Variants in MCTP2 observed in about 807,000 individuals in gnomAD.
MCTP2 encodes multiple C2 and transmembrane domain-containing protein 2.
Under a neutral mutation model 111.6 loss-of-function variants are expected in MCTP2, and 132 were observed. That is an observed-to-expected ratio of 1.18 (90% confidence interval 1.03 to 1.37). The LOEUF (loss-of-function observed/expected upper bound fraction) is 1.37. MCTP2 is among the 40% of genes most tolerant of loss of function. The probability of loss-of-function intolerance (pLI) is 0.00; values close to 1 mark genes in which losing one functional copy is unlikely to be tolerated. For synonymous variants in MCTP2, 395 were observed against 387.7 expected (o/e 1.02, Z -0.22); for missense variants, 1,183 against 1,067.9 (o/e 1.11, Z -1.50).
At chr15:94,383,876 C>T in intron 12 of MCTP2, 146 bp from the exon 13 acceptor site, 1 of 618,526 alleles carries the variant, frequency 1.6e-6, no homozygotes, top group Non-Finnish European at 2.9e-6. Context: ...TCCTGGATTC[C>T]CACACAGGGC....
rs967177840 is a variant in MCTP2, at chr15:94,479,916, A to G, written c.*882A>G. 1.3e-5 allele frequency: 2 copies of G among 152,204 alleles called. No individual in the cohort carries two copies. Among genetic ancestry groups the G allele is most frequent in the Admixed American group, 6.5e-5 (1 of 15,270 alleles). 9.4% of individuals were successfully genotyped at this position (152,204 alleles called of 1,614,324 possible). A position where few individuals can be genotyped will look rare whatever the true frequency, so the allele number is the denominator to read the frequency against. On this transcript the variant is annotated 3_prime_UTR_variant, in exon 23 of 23. Coordinates refer to ENST00000357742, the MANE Select transcript of MCTP2 (RefSeq NM_001385001.1). ...GAAACTGAAGACCGAGAGACTAATA[A>G]GGCTGCTTACCTAATTATTATAATC...
intron 1 of MCTP2, among the ~76,000 whole-genome samples, chr15:94,266,941 G>C (rs1480576027): frequency 6.6e-6 from 1 of 152,232 alleles, no homozygotes; most frequent in Non-Finnish European, 1.5e-5. Context: ...CCTGTGACCT[G>C]TGACTTGTTC....
At chr15:94,244,021 ATACGTATGTGTATATATTG>A (rs1175281873) in intron 1 of MCTP2, among the ~76,000 whole-genome samples, 13 of 147,130 alleles carry the variant, frequency 8.8e-5, no homozygotes, top group African/African-American at 3.2e-4. Flanking sequence ...ATGTATACAC[ATACGTATGTGTATATATTG>A]CACACATATG....
rs753897315 is a variant in MCTP2 at position 94,476,732 on chromosome 15, A to G, written c.2507A>G (p.Tyr836Cys). The change falls in exon 22 of 23, where the codon TAT (tyrosine) becomes TGT (cysteine). Residue 836 changes from tyrosine to cysteine, a missense_variant. By Grantham distance (194) the Tyr-to-Cys change is radical. Transcript: ENST00000357742. ...TTTACTAAGAAGCTTCGAAATCCCT[A>G]TTCCATCGACAATAATGAGCTACTA... Reference protein sequence around the residue: ...NKFTKKLRNPYSIDNNELLDF... With the variant: ...NKFTKKLRNPCSIDNNELLDF... 4.4e-6 allele frequency: 7 copies of G among 1,608,822 alleles called. No individual in the cohort carries two copies. In the East Asian group the frequency reaches 1.3e-4, roughly 31 times the overall value.
intron 17 of MCTP2, among the ~76,000 whole-genome samples, chr15:94,416,976 C>T (rs2082405792): frequency 6.6e-6 from 1 of 152,068 alleles, no homozygotes; most frequent in African/African-American, 2.4e-5. Flanking sequence ...CAAACATGTT[C>T]CCTCTGAGCG....
At chr15:94,466,699 G>A (rs1034413191) in intron 20 of MCTP2, among the ~76,000 whole-genome samples, 2 of 151,872 alleles carry the variant, frequency 1.3e-5, no homozygotes, top group Non-Finnish European at 2.9e-5. Flanking sequence ...CCAATATTTG[G>A]CAGAAAATAT....
chr15:94,353,483 A>C (rs1252478774), intron 8 of MCTP2, among the ~76,000 whole-genome samples: 1 of 152,204 alleles, frequency 6.6e-6, no homozygotes, highest in Non-Finnish European at 1.5e-5. Context: ...ATAAACATCC[A>C]ATTTGAAATT....
At chr15:94,403,844 T>G (rs1399482771) in intron 17 of MCTP2, among the ~76,000 whole-genome samples, 3 of 152,310 alleles carry the variant, frequency 2.0e-5, no homozygotes, top group Middle Eastern at 3.4e-3. Flanking sequence ...CAAGGTGGTG[T>G]TCTCCTTGCT....
At position 94,298,724 on chromosome 15, in the gene MCTP2, G is replaced by A. The variant is rs765820425; in HGVS notation, c.459G>A (p.Glu153=). 3 of 1,599,728 alleles carry A rather than the reference G, an allele frequency of 1.9e-6. No homozygotes were observed. Among genetic ancestry groups the A allele is most frequent in the Non-Finnish European group, 2.6e-6 (3 of 1,174,986 alleles). ...KTSLGGDAPE[E]PEKLCGSSDL... ...CCCTTGGAGGGGATGCACCAGAAGA[G>A]CCAGAGGTGAGAATAGGGCTGGGCT... The change falls in exon 2 of 23, where the codon GAG becomes GAA. Residue 153 remains glutamate (E), a synonymous_variant. Transcript: ENST00000357742.
At chr15:94,241,412 T>C (rs1406919154) in intron 1 of MCTP2, among the ~76,000 whole-genome samples, 1 of 152,184 alleles carries the variant, frequency 6.6e-6, no homozygotes, top group African/African-American at 2.4e-5. Context: ...TGACCAATTC[T>C]GGATGTCTTG....
chr15:94,408,473 C>T (rs1048414174), intron 17 of MCTP2, among the ~76,000 whole-genome samples: 8 of 152,138 alleles, frequency 5.3e-5, no homozygotes, highest in African/African-American at 1.7e-4. Flanking sequence ...TGAAGGACTA[C>T]ATAATATACT....
intron 10 of MCTP2, among the ~76,000 whole-genome samples, chr15:94,358,909 G>A (rs1452805315): frequency 1.3e-4 from 20 of 152,150 alleles, no homozygotes; most frequent in Admixed American, 1.1e-3. Context: ...TCCAATATAC[G>A]CTATAATTTT....
chr15:94,289,355 G>C (rs1199958380), intron 1 of MCTP2, among the ~76,000 whole-genome samples: 1 of 152,162 alleles, frequency 6.6e-6, no homozygotes, highest in Non-Finnish European at 1.5e-5. Flanking sequence ...GAAAAGTATA[G>C]AATTCAATAT....
chr15:94,299,837 A>T (rs1241657524), intron 2 of MCTP2, among the ~76,000 whole-genome samples: 1 of 152,246 alleles, frequency 6.6e-6, no homozygotes, highest in African/African-American at 2.4e-5. Context: ...GGAAGGGATC[A>T]TGGATGTTTG....
At chr15:94,406,628 C>T (rs550977602) in intron 17 of MCTP2, among the ~76,000 whole-genome samples, 17 of 152,170 alleles carry the variant, frequency 1.1e-4, no homozygotes, top group Non-Finnish European at 1.8e-4. Context: ...CATGGAAATG[C>T]CCAGCCCCTG....
intron 12 of MCTP2, among the ~76,000 whole-genome samples, chr15:94,370,818 T>G (rs1009154057): frequency 6.6e-6 from 1 of 152,208 alleles, no homozygotes; most frequent in Non-Finnish European, 1.5e-5. Flanking sequence ...TACCCCCTTC[T>G]GCTGACTAAC....
intron 17 of MCTP2, among the ~76,000 whole-genome samples, chr15:94,437,059 A>G (rs1455154240): frequency 6.6e-6 from 1 of 151,574 alleles, no homozygotes; most frequent in African/African-American, 2.4e-5. Context: ...TAAATAAAGG[A>G]AAGTTGATGG....
rs565939456 is a variant in MCTP2, at chr15:94,318,148, T to TTGG, written c.637+2513_637+2514insGTG. The stretch of plus-strand genomic sequence containing the variant: ...GTCAAAAATGATTATCAAATTCATT[T>TTGG]TGTAACCATTTCTCTGGCGAGTAGA... On this transcript the variant is annotated intron_variant, in intron 4 of 22. Coordinates refer to ENST00000357742, the MANE Select transcript of MCTP2 (RefSeq NM_001385001.1). Among the ~76,000 whole-genome samples the TTGG allele has an allele frequency of 2.4e-4, 37 of 152,336 alleles. No individual in the cohort carries two copies. The East Asian group carries it at 6.9e-3, about 29-fold the overall frequency.
At chr15:94,400,621 C>T (rs1190828397) in intron 16 of MCTP2, among the ~76,000 whole-genome samples, 6 of 143,008 alleles carry the variant, frequency 4.2e-5, no homozygotes, top group Admixed American at 7.0e-5. Context: ...TTTTTTTTTC[C>T]GTGACCTTTA....
Sources: gnomAD v4.1 joint callset for allele counts (sites outside exome capture counted in the v4.1 genomes callset) on GRCh38, gnomAD v4.1.1 for gene constraint, MANE v1.5 for transcripts, NCBI Gene and HGNC (gene_info 2026-07-23, HGNC 2026-07-21) for gene names.